The following HELB variants were observed in gnomAD, a reference collection of about 807,000 sequenced individuals.
HELB encodes DNA 5'-3' helicase B.
A neutral mutation model predicts 101.7 loss-of-function variants in HELB; 96 were observed. The observed-to-expected ratio is 0.94, with a 90% confidence interval of 0.80 to 1.12. HELB has a LOEUF of 1.12. Among genes scored for constraint, HELB ranks in the 50% most tolerant of loss-of-function variants. The pLI, the probability that HELB is intolerant of heterozygous loss-of-function variation, is 0.00. For synonymous variants in HELB, 437 were observed against 459.7 expected (o/e 0.95, Z 0.63); for missense variants, 1,210 against 1,291.9 (o/e 0.94, Z 0.97).
chr12:66,328,051 G>A (rs1355075283), intron 11 of HELB, among the ~76,000 whole-genome samples: 2 of 152,126 alleles, frequency 1.3e-5, no homozygotes, highest in African/African-American at 2.4e-5. Flanking sequence ...GTATAGTTGA[G>A]AAGCAGGAAT....
At chr12:66,309,577 T>C (rs573205346) in intron 3 of HELB, 129 bp from the exon 4 acceptor site, 63 of 510,820 alleles carry the variant, frequency 1.2e-4, no homozygotes, top group African/African-American at 1.1e-3. Context: ...AAATTAGTGA[T>C]GTTCTATGGT....
intron 5 of HELB, 116 bp from the exon 6 acceptor site, chr12:66,315,126 G>T: frequency 1.6e-6 from 1 of 628,364 alleles, no homozygotes; most frequent in South Asian, 3.7e-5. Context: ...ATCTTTTACT[G>T]TTTAAATGTT....
At chr12:66,304,179 C>T (rs140415341) in intron 1 of HELB, among the ~76,000 whole-genome samples, 1 of 152,182 alleles carries the variant, frequency 6.6e-6, no homozygotes, top group Non-Finnish European at 1.5e-5. Context: ...GTGTATTAAA[C>T]AAACATTCTT....
downstream of HELB, chr12:66,342,391 T>C (rs920758098): frequency 2.0e-5 from 3 of 151,222 alleles, no homozygotes; most frequent in Admixed American, 2.0e-4. Flanking sequence ...TTTTTCTTCT[T>C]CGAGACGGAG....
rs749169621 is a variant in HELB, at chr12:66,304,956, G to T, written c.413G>T (p.Ser138Ile). The change falls in exon 2 of 13, where the codon AGT (serine) becomes ATT (isoleucine). Residue 138 changes from serine (S) to isoleucine (I), a missense_variant. Transcript: ENST00000247815. ...TTTCTTAAAGAGTGTGAGGTCTCCAGTGATGATGTTAATAAATTTTTAACA... is the reference window on the plus strand; with the variant it reads ...TTTCTTAAAGAGTGTGAGGTCTCCATTGATGATGTTAATAAATTTTTAACA... ...ALFLKECEVSSDDVNKFLTWV... is the reference protein window; with the variant it reads ...ALFLKECEVSIDDVNKFLTWV... 6.2e-7 allele frequency: 1 copy of T among 1,614,058 alleles called. No homozygotes were observed. The highest frequency in any genetic ancestry group is 8.5e-7 in the Non-Finnish European group (1 of 1,179,968).
At chr12:66,317,911 C>G (rs2053627848) in intron 6 of HELB, among the ~76,000 whole-genome samples, 1 of 152,134 alleles carries the variant, frequency 6.6e-6, no homozygotes, top group African/African-American at 2.4e-5. Flanking sequence ...CTCTGATAAC[C>G]AGGCTGCTGT....
intron 10 of HELB, 105 bp from the exon 11 acceptor site, chr12:66,324,877 TA>T (rs762609576): frequency 1.4e-6 from 2 of 1,383,864 alleles, no homozygotes; most frequent in Admixed American, 3.5e-5. Context: ...ATGGTAATTG[TA>T]ATTCTTATAT....
At chr12:66,304,666 G>A (rs2053450677) in intron 1 of HELB, 65 bp from the exon 2 acceptor site, 1 of 1,448,092 alleles carries the variant, frequency 6.9e-7, no homozygotes. Flanking sequence ...ATGAAACTTT[G>A]AGGAAACGGT....
chr12:66,310,536 C>T lies in HELB; in HGVS notation c.1608C>T (p.Leu536=). The T allele has an allele frequency of 1.9e-6, 3 of 1,614,214 alleles. No individual in the cohort carries two copies. The highest frequency in any genetic ancestry group is 2.5e-6 in the Non-Finnish European group (3 of 1,180,018). ...CGGACAAGGCTATAGAAGTTTTGCT[C>T]ACAGCACCTACAGGGAAAGCAGCTG... The part of the protein sequence containing the change: ...LEADKAIEVL[L]TAPTGKAAGL... Residue 536 remains leucine (L), a synonymous_variant, in exon 4 of 13, where the codon CTC becomes CTT. Coordinates refer to ENST00000247815, the MANE Select transcript of HELB (RefSeq NM_001370285.1).
In HELB at chr12:66,331,505, G is replaced by A; in HGVS notation, c.3022G>A (p.Glu1008Lys). Residue 1008 changes from glutamate (E) to lysine (K), a missense_variant, in exon 12 of 13, where the codon GAG (glutamate) becomes AAG (lysine). By Grantham distance (56) the Glu-to-Lys change is moderately conservative. Around this residue, in one of 2 missense-constraint regions of HELB, gnomAD observed 740 missense variants for 728.8 expected, o/e 1.02. Transcript: ENST00000247815. ...CTGGAGCGAGGCCTCTTCGCCTGAT[G>A]AGAGGACACTCACCTTTGCTGAAAG... ...VTWSEASSPD[E>K]RTLTFAERWQ... 3 of 1,614,166 alleles carry A rather than the reference G, an allele frequency of 1.9e-6. No individual in the cohort carries two copies. Among genetic ancestry groups the A allele is most frequent in the South Asian group, 2.2e-5 (2 of 91,084 alleles).
At chr12:66,334,241 G>A (rs1253577044) in intron 12 of HELB, among the ~76,000 whole-genome samples, 2 of 151,826 alleles carry the variant, frequency 1.3e-5, no homozygotes, top group Non-Finnish European at 2.9e-5. Flanking sequence ...CAGGAGGATC[G>A]CTTGAGCCCA....
intron 6 of HELB, among the ~76,000 whole-genome samples, chr12:66,317,595 G>T (rs973304384): frequency 6.6e-6 from 1 of 152,166 alleles, no homozygotes; most frequent in Non-Finnish European, 1.5e-5. Flanking sequence ...TGAAACTCAG[G>T]AATTCCTTTT....
In HELB at chr12:66,309,819, G is replaced by A. The variant is rs1402375986; in HGVS notation, c.891G>A (p.Met297Ile). ...MTDLEKNALI[M>I]YSRLKQICRE... ...ATTTGGAGAAGAATGCATTAATAAT[G>A]TATTCCAGACTGAAGCAGATATGTA... Residue 297 changes from methionine (M) to isoleucine (I), a missense_variant, in exon 4 of 13, where the codon ATG becomes ATA. Coordinates refer to ENST00000247815, the MANE Select transcript of HELB (RefSeq NM_001370285.1). 8 of 1,613,962 alleles carry A rather than the reference G, an allele frequency of 5.0e-6. No homozygotes were observed. The Admixed American group carries it at 6.7e-5, about 13-fold the overall frequency.
chr12:66,313,878 C>T, intron 4 of HELB, 108 bp from the exon 5 acceptor site: 1 of 895,710 alleles, frequency 1.1e-6, no homozygotes, highest in Non-Finnish European at 1.8e-6. Context: ...CTTTACTTCC[C>T]ACCCACCCCT....
At chr12:66,304,510 A>G (rs1337369429) in intron 1 of HELB, among the ~76,000 whole-genome samples, 2 of 152,220 alleles carry the variant, frequency 1.3e-5, no homozygotes, top group Non-Finnish European at 2.9e-5. Context: ...TGGAATACAA[A>G]GACAAACGAA....
chr12:66,310,496 A>C lies in HELB; in HGVS notation c.1568A>C (p.Gln523Pro), dbSNP rs141956990. 35,482 of 1,614,162 alleles carry C rather than the reference A, an allele frequency of 0.022. 467 individuals are homozygous for C. The highest frequency in any genetic ancestry group is 0.033 in the Middle Eastern group (199 of 6,062). ...GAAGAATGGATTACCTTTACTGAGC[A>C]AAGTCAACTAGAGGCGGACAAGGCT... ...ASEEWITFTEQSQLEADKAIE... is the reference protein window; with the variant it reads ...ASEEWITFTEPSQLEADKAIE... Residue 523 changes from glutamine to proline, a missense_variant, in exon 4 of 13, where the codon CAA becomes CCA. Physicochemically the swap from Gln to Pro is moderately conservative, Grantham distance 76 (BLOSUM62 -1). This residue lies in a region of HELB where 740 missense variants were observed against 728.8 expected (regional missense o/e 1.02). Transcript: ENST00000247815.
chr12:66,326,724 AT>A (rs11303554), intron 11 of HELB, among the ~76,000 whole-genome samples: 73,949 of 146,968 alleles, frequency 0.5, 18,625 homozygotes, highest in East Asian at 0.72. Context: ...AATTCAGCTG[AT>A]TTTTTTTTTT....
rs541820941 is a variant in HELB at position 66,337,207 on chromosome 12, G to A, written c.3163-794G>A. ...AGTGAGTAAAATGGACATAGTTGAG[G>A]GTGGAGGGGGAAGTTTCTTCTTTTT... On this transcript the variant is annotated intron_variant, in intron 12 of 12. Transcript: ENST00000247815. Among the ~76,000 whole-genome samples, 15 of 152,196 alleles carry A rather than the reference G, an allele frequency of 9.9e-5. No individual in the cohort carries two copies. The South Asian group carries it at 3.1e-3, about 32-fold the overall frequency.
chr12:66,325,142 T>G lies in HELB; in HGVS notation c.2670+16T>G. 3 of 1,533,562 alleles carry G rather than the reference T, an allele frequency of 2.0e-6. No individual in the cohort carries two copies. Among genetic ancestry groups the G allele is most frequent in the Non-Finnish European group, 2.7e-6 (3 of 1,117,774 alleles). The allele number at this position is 1,533,562 out of a possible 1,614,324, so 95.0% of individuals were successfully genotyped here. ...CACTTTTCAGGTAAGAGGAGACTTT[T>G]ATCAAACCTTTTAAATAATTTACCA... On this transcript the variant is annotated intron_variant, in intron 11 of 12. Coordinates refer to ENST00000247815, the MANE Select transcript of HELB (RefSeq NM_001370285.1).
Sources: allele counts gnomAD v4.1 joint callset (sites outside exome capture counted in the v4.1 genomes callset), GRCh38; gene constraint gnomAD v4.1.1; regional missense constraint gnomAD v4.1.1; transcripts MANE v1.5; gene names NCBI Gene and HGNC (gene_info 2026-07-23, HGNC 2026-07-21).